Variants in TENM4 observed in about 807,000 individuals in gnomAD.
TENM4 encodes teneurin-4.
TENM4 carries 82 observed loss-of-function variants against 243.3 expected under a neutral mutation model. The ratio of observed to expected loss-of-function variants is 0.34; its 90% CI spans 0.28 to 0.40. The LOEUF (loss-of-function observed/expected upper bound fraction) is 0.40, where lower values mean the gene tolerates loss of function less well. Ranked by LOEUF, TENM4 falls within the 10% of genes least tolerant of loss-of-function variation. TENM4 has a pLI of 1.00. For synonymous variants in TENM4, 1,412 were observed against 1,456.3 expected (o/e 0.97, Z 0.69); for missense variants, 3,138 against 3,673.3 (o/e 0.85, Z 3.77).
rs566343537 is a variant in TENM4 at position 79,157,490 on chromosome 11, C to T, written c.-162-8684G>A. On this transcript the variant is annotated intron_variant, in intron 3 of 33. Coordinates refer to ENST00000278550, the MANE Select transcript of TENM4 (RefSeq NM_001098816.3). ...CCTACAGCATGCCTGGCTCTGTGCT[C>T]TATGTGCTACAGCTACAGTGGTAAA... Among the ~76,000 whole-genome samples the T allele has an allele frequency of 1.8e-4, 27 of 152,258 alleles. No homozygotes were observed. In the South Asian group the frequency reaches 5.2e-3, roughly 29 times the overall value.
intron 14 of TENM4, among the ~76,000 whole-genome samples, chr11:78,810,305 C>T (rs529086243): frequency 1.3e-5 from 2 of 152,268 alleles, no homozygotes; most frequent in Non-Finnish European, 2.9e-5. Flanking sequence ...AAATAGATAA[C>T]GTAAATCAAA....
chr11:79,063,826 C>G (rs1031917937), intron 6 of TENM4, among the ~76,000 whole-genome samples: 1 of 152,194 alleles, frequency 6.6e-6, no homozygotes, highest in Non-Finnish European at 1.5e-5. Flanking sequence ...CTCTCTCAGG[C>G]CTTGGGAACG....
At chr11:79,112,473 G>A (rs1423063364) in intron 4 of TENM4, among the ~76,000 whole-genome samples, 3 of 152,160 alleles carry the variant, frequency 2.0e-5, no homozygotes, top group Non-Finnish European at 4.4e-5. Context: ...GTGTTTATGG[G>A]AAGGGGGCTG....
At chr11:79,121,084 G>A (rs1022916059) in intron 4 of TENM4, among the ~76,000 whole-genome samples, 2 of 152,162 alleles carry the variant, frequency 1.3e-5, no homozygotes, top group African/African-American at 2.4e-5. Context: ...ACTCTTAGAT[G>A]GGGAGACAGA....
chr11:79,418,048 T>C (rs1858855951), intron 1 of TENM4, among the ~76,000 whole-genome samples: 1 of 152,334 alleles, frequency 6.6e-6, no homozygotes, highest in Non-Finnish European at 1.5e-5. Context: ...GTAGTGGGAT[T>C]GTCTGTCTCC....
intron 1 of TENM4, among the ~76,000 whole-genome samples, chr11:79,338,565 C>A (rs73512773): frequency 0.043 from 6,587 of 152,298 alleles, 454 homozygotes; most frequent in African/African-American, 0.15. Flanking sequence ...GGAAAGTTGA[C>A]TTTACACTAA....
intron 22 of TENM4, among the ~76,000 whole-genome samples, chr11:78,727,829 A>G (rs1287342853): frequency 1.3e-5 from 2 of 152,168 alleles, no homozygotes; most frequent in East Asian, 1.9e-4. Context: ...GGCAGCCACT[A>G]TTTTCCAGTG....
chr11:78,849,711 G>A (rs569277817), intron 12 of TENM4, among the ~76,000 whole-genome samples: 32 of 152,258 alleles, frequency 2.1e-4, no homozygotes, highest in South Asian at 6.2e-4. Context: ...TCAGACAGAC[G>A]CAAATTCATG....
At chr11:79,027,255 A>C (rs930307125) in intron 6 of TENM4, among the ~76,000 whole-genome samples, 7 of 152,222 alleles carry the variant, frequency 4.6e-5, no homozygotes, top group African/African-American at 1.7e-4. Flanking sequence ...CTAGCACTTC[A>C]ACCCAAATTA....
intron 9 of TENM4, among the ~76,000 whole-genome samples, chr11:78,870,663 G>A (rs1859097668): frequency 6.6e-6 from 1 of 152,142 alleles, no homozygotes; most frequent in African/African-American, 2.4e-5. Context: ...GCCATGCAAA[G>A]TTATAGGGAA....
At chr11:79,194,472 A>G (rs773194079) in intron 3 of TENM4, among the ~76,000 whole-genome samples, 5 of 152,106 alleles carry the variant, frequency 3.3e-5, no homozygotes, top group African/African-American at 4.8e-5. Context: ...AAATGCTGAT[A>G]GTGATATGAT....
intron 16 of TENM4, among the ~76,000 whole-genome samples, chr11:78,785,642 C>T (rs944690975): frequency 4.6e-5 from 7 of 151,978 alleles, no homozygotes; most frequent in Admixed American, 6.6e-5. Context: ...GCTCTCGGCA[C>T]GTTGTGAATA....
intron 2 of TENM4, among the ~76,000 whole-genome samples, chr11:79,216,799 T>C (rs564288155): frequency 6.6e-6 from 1 of 152,334 alleles, no homozygotes; most frequent in African/African-American, 2.4e-5. Flanking sequence ...TAAATAAATT[T>C]CTTTTCTTTA....
intron 9 of TENM4, among the ~76,000 whole-genome samples, chr11:78,866,948 T>TA (rs1287920038): frequency 1.3e-5 from 2 of 152,260 alleles, no homozygotes; most frequent in Admixed American, 6.5e-5. Flanking sequence ...GTCATCTTTT[T>TA]AAAAAAAATT....
intron 6 of TENM4, among the ~76,000 whole-genome samples, chr11:78,947,232 C>T (rs1857019180): frequency 6.6e-6 from 1 of 152,164 alleles, no homozygotes; most frequent in Non-Finnish European, 1.5e-5. Flanking sequence ...TCTGGATAAC[C>T]CTGTAATAAA....
At chr11:79,013,866 G>A (rs1858709600) in intron 6 of TENM4, among the ~76,000 whole-genome samples, 1 of 152,134 alleles carries the variant, frequency 6.6e-6, no homozygotes, top group Non-Finnish European at 1.5e-5. Flanking sequence ...GGCCCTCAAG[G>A]CCCTCAGAGA....
intron 1 of TENM4, among the ~76,000 whole-genome samples, chr11:79,344,766 C>T (rs1857299808): frequency 6.6e-6 from 1 of 152,168 alleles, no homozygotes; most frequent in African/African-American, 2.4e-5. Flanking sequence ...GCCATCTGCC[C>T]AATTTTACCT....
chr11:78,809,350 A>G (rs1857449472), intron 14 of TENM4, among the ~76,000 whole-genome samples: 1 of 152,212 alleles, frequency 6.6e-6, no homozygotes. Context: ...GGAAGACTGC[A>G]TCTCAGGAGG....
chr11:79,149,715 G>A (rs1282816144), intron 3 of TENM4, among the ~76,000 whole-genome samples: 2 of 152,118 alleles, frequency 1.3e-5, no homozygotes, highest in Non-Finnish European at 2.9e-5. Flanking sequence ...TAGAAAGAGT[G>A]TGCATTCTCT....
Sources: gnomAD v4.1 joint callset for allele counts (sites outside exome capture counted in the v4.1 genomes callset) on GRCh38, gnomAD v4.1.1 for gene constraint, MANE v1.5 for transcripts, NCBI Gene and HGNC (gene_info 2026-07-23, HGNC 2026-07-21) for gene names.